CFAP299: variants seen among roughly 807,000 people sequenced by gnomAD.
CFAP299 encodes cilia- and flagella-associated protein 299.
CFAP299 carries 21 observed loss-of-function variants against 27.0 expected under a neutral mutation model. The observed-to-expected ratio is 0.78, with a 90% CI of 0.55 to 1.12. CFAP299 has a LOEUF of 1.12. Ranked by LOEUF, CFAP299 falls within the 50% of genes most tolerant of loss-of-function variation. The pLI, the probability that CFAP299 is intolerant of heterozygous loss-of-function variation, is 0.00. For synonymous variants in CFAP299, 104 were observed against 98.1 expected (o/e 1.06, Z -0.36); for missense variants, 310 against 276.6 (o/e 1.12, Z -0.86).
intron 2 of CFAP299, among the ~76,000 whole-genome samples, chr4:80,511,267 AG>A (rs1474903906): frequency 2.0e-5 from 3 of 152,162 alleles, no homozygotes; most frequent in Non-Finnish European, 2.9e-5. Flanking sequence ...ATATATGAAA[AG>A]ATGAGAATGG....
chr4:80,359,079 G>A lies in CFAP299; in HGVS notation c.112-3675G>A, dbSNP rs190771863. Among the ~76,000 whole-genome samples, 66 of 152,122 alleles carry A rather than the reference G, an allele frequency of 4.3e-4. No homozygotes were observed. The East Asian group carries it at 0.012, about 28-fold the overall frequency. ...ATCTTATTTCTCCTTTGTTTATGAA[G>A]CTTGGTTTGGCCAAATATGAAATTC... is the stretch of plus-strand genomic sequence containing the variant. On this transcript the variant is annotated intron_variant, in intron 1 of 5. Coordinates refer to ENST00000358105, the MANE Select transcript of CFAP299 (RefSeq NM_152770.3).
chr4:80,864,233 A>T (rs895328650), intron 3 of CFAP299, among the ~76,000 whole-genome samples: 1 of 151,748 alleles, frequency 6.6e-6, no homozygotes, highest in African/African-American at 2.4e-5. Flanking sequence ...ATAACATTTT[A>T]AAATTATTCT....
chr4:80,479,941 A>G (rs184371497), intron 2 of CFAP299, among the ~76,000 whole-genome samples: 1 of 152,124 alleles, frequency 6.6e-6, no homozygotes, highest in Admixed American at 6.5e-5. Context: ...AAGCTAAAAC[A>G]TATGTTCTGA....
At chr4:80,758,235 A>C (rs537732574) in intron 3 of CFAP299, among the ~76,000 whole-genome samples, 8 of 152,288 alleles carry the variant, frequency 5.3e-5, no homozygotes, top group Non-Finnish European at 8.8e-5. Context: ...AGTGGCTTTC[A>C]GGGGGCAGGG....
intron 3 of CFAP299, among the ~76,000 whole-genome samples, chr4:80,673,314 G>C (rs1434247803): frequency 6.6e-6 from 1 of 152,124 alleles, no homozygotes; most frequent in Non-Finnish European, 1.5e-5. Flanking sequence ...ATGTAGTTGA[G>C]CGGTTTTGAG....
intron 3 of CFAP299, among the ~76,000 whole-genome samples, chr4:80,811,141 A>G (rs1365270582): frequency 6.6e-6 from 1 of 152,106 alleles, no homozygotes; most frequent in African/African-American, 2.4e-5. Context: ...TTAAATCACA[A>G]CAACCTTTTA....
At chr4:80,601,665 A>T (rs1032554782) in intron 3 of CFAP299, among the ~76,000 whole-genome samples, 1 of 152,082 alleles carries the variant, frequency 6.6e-6, no homozygotes, top group African/African-American at 2.4e-5. Flanking sequence ...AGTGGACAAT[A>T]CCTAGGGTCA....
At chr4:80,388,528 G>C (rs1725152851) in intron 2 of CFAP299, 21 of 1,446,058 alleles carry the variant, frequency 1.5e-5, no homozygotes, top group Middle Eastern at 3.6e-4. Flanking sequence ...CTGGCAGCGA[G>C]TTGAATTGCT....
At chr4:80,540,176 A>G (rs1048700977) in intron 2 of CFAP299, among the ~76,000 whole-genome samples, 2 of 152,190 alleles carry the variant, frequency 1.3e-5, no homozygotes, top group African/African-American at 2.4e-5. Flanking sequence ...AGGTGTTTCA[A>G]TAAGTTTCCT....
chr4:80,387,063 G>C (rs1416379684), intron 2 of CFAP299: 5 of 1,426,876 alleles, frequency 3.5e-6, no homozygotes, highest in South Asian at 2.3e-5. Flanking sequence ...GTGTGGGCAG[G>C]GGAAGTTGTG....
intron 2 of CFAP299, among the ~76,000 whole-genome samples, chr4:80,414,073 T>TC (rs1553921209): frequency 3.2e-5 from 4 of 125,840 alleles, no homozygotes; most frequent in Admixed American, 8.2e-5. Flanking sequence ...TCTTTTTTTT[T>TC]TTTTTTTTTT....
At chr4:80,630,421 G>T (rs1320933784) in intron 3 of CFAP299, among the ~76,000 whole-genome samples, 2 of 152,078 alleles carry the variant, frequency 1.3e-5, no homozygotes, top group Non-Finnish European at 2.9e-5. Context: ...CTTTAAATTT[G>T]TTCTCTACTA....
At chr4:80,475,533 T>C (rs957502733) in intron 2 of CFAP299, among the ~76,000 whole-genome samples, 1 of 152,176 alleles carries the variant, frequency 6.6e-6, no homozygotes, top group African/African-American at 2.4e-5. Context: ...AATTGTAGTG[T>C]CATTAACTGA....
intron 3 of CFAP299, among the ~76,000 whole-genome samples, chr4:80,703,339 C>T (rs1279703767): frequency 6.6e-6 from 1 of 151,580 alleles, no homozygotes; most frequent in Non-Finnish European, 1.5e-5. Flanking sequence ...TAATATGGTC[C>T]CTAGATTATC....
At chr4:80,654,166 T>C (rs1442786841) in intron 3 of CFAP299, among the ~76,000 whole-genome samples, 2 of 152,118 alleles carry the variant, frequency 1.3e-5, no homozygotes, top group African/African-American at 2.4e-5. Context: ...ATATGATCAA[T>C]AGTAGCAATA....
At chr4:80,351,554 A>G (rs1014963785) in intron 1 of CFAP299, among the ~76,000 whole-genome samples, 5 of 152,056 alleles carry the variant, frequency 3.3e-5, no homozygotes, top group African/African-American at 1.2e-4. Context: ...ATAATCAAAT[A>G]TCAAAGCAAA....
chr4:80,781,393 G>T (rs1726869116), intron 3 of CFAP299, among the ~76,000 whole-genome samples: 1 of 152,034 alleles, frequency 6.6e-6, no homozygotes, highest in African/African-American at 2.4e-5. Context: ...TGATATATTA[G>T]ATGAGGAGGA....
At chr4:80,696,488 GAC>G (rs1721102371) in intron 3 of CFAP299, among the ~76,000 whole-genome samples, 1 of 151,620 alleles carries the variant, frequency 6.6e-6, no homozygotes, top group Non-Finnish European at 1.5e-5. Flanking sequence ...AACAATAAGA[GAC>G]AGAAAAACAA....
intron 2 of CFAP299, among the ~76,000 whole-genome samples, chr4:80,397,846 G>T (rs1292323173): frequency 6.6e-6 from 1 of 152,124 alleles, no homozygotes; most frequent in African/African-American, 2.4e-5. Flanking sequence ...GGGCAATCAG[G>T]CAGGAGAAAG....
Sources: allele counts gnomAD v4.1 joint callset (sites outside exome capture counted in the v4.1 genomes callset), GRCh38; gene constraint gnomAD v4.1.1; transcripts MANE v1.5; gene names NCBI Gene and HGNC (gene_info 2026-07-23, HGNC 2026-07-21).